GALNT18: variants seen among roughly 807,000 people sequenced by gnomAD.
The protein encoded by GALNT18 is polypeptide N-acetylgalactosaminyltransferase 18.
In GALNT18, 44 loss-of-function variants were observed where a neutral mutation model predicts 69.5. That is an observed-to-expected ratio of 0.63 (90% CI 0.50 to 0.81). The LOEUF is 0.81. GALNT18 is among the 40% of genes least tolerant of loss of function. GALNT18 has a pLI of 0.00. For missense variants in GALNT18, 715 were observed against 810.0 expected (o/e 0.88, Z 1.42); for synonymous variants, 364 against 318.2 (o/e 1.14, Z -1.53).
At chr11:11,364,854 A>G (rs1472570001) in intron 6 of GALNT18, among the ~76,000 whole-genome samples, 1 of 152,182 alleles carries the variant, frequency 6.6e-6, no homozygotes, top group Non-Finnish European at 1.5e-5. Context: ...AAATAACTAG[A>G]GTTAGGTGGG....
chr11:11,285,767 C>A (rs1849180841), intron 10 of GALNT18, among the ~76,000 whole-genome samples: 1 of 152,152 alleles, frequency 6.6e-6, no homozygotes, highest in Non-Finnish European at 1.5e-5. Flanking sequence ...GTCAAGGACT[C>A]CTCCTCCTCC....
chr11:11,287,001 T>A (rs1399690975), intron 10 of GALNT18, among the ~76,000 whole-genome samples: 1 of 152,156 alleles, frequency 6.6e-6, no homozygotes, highest in Non-Finnish European at 1.5e-5. Context: ...TTTGACAACC[T>A]GCTGATGGTC....
chr11:11,615,412 T>C (rs553509867), intron 1 of GALNT18, among the ~76,000 whole-genome samples: 77 of 152,340 alleles, frequency 5.1e-4, no homozygotes, highest in African/African-American at 1.8e-3. Flanking sequence ...AACCCATTTC[T>C]CCATTGTTGG....
At chr11:11,401,547 C>A (rs1854467550) in intron 3 of GALNT18, among the ~76,000 whole-genome samples, 1 of 152,224 alleles carries the variant, frequency 6.6e-6, no homozygotes, top group African/African-American at 2.4e-5. Context: ...ACCCCTTTGA[C>A]ATCCTGAGCA....
chr11:11,541,447 C>G lies in GALNT18; in HGVS notation c.235+79912G>C, dbSNP rs996264826. Reference sequence around the variant, plus strand: ...CTGCCTTCAGCCTCATTCCTCCCATCCACCTTCCACCTGTAGTTGGGGTGA... The same window carrying G: ...CTGCCTTCAGCCTCATTCCTCCCATGCACCTTCCACCTGTAGTTGGGGTGA... On this transcript the variant is annotated intron_variant, in intron 1 of 10. Coordinates refer to ENST00000227756, the MANE Select transcript of GALNT18 (RefSeq NM_198516.3). The surrounding 1 kb of genome is among the most constrained non-coding windows in gnomAD (Gnocchi z 4.8). Among the ~76,000 whole-genome samples, 8 of 152,192 alleles carry G rather than the reference C, an allele frequency of 5.3e-5. No homozygotes were observed. Among genetic ancestry groups the G allele is most frequent in the African/African-American group, 1.9e-4 (8 of 41,448 alleles).
intron 7 of GALNT18, among the ~76,000 whole-genome samples, chr11:11,334,261 G>T (rs546232229): frequency 6.6e-6 from 1 of 152,230 alleles, no homozygotes; most frequent in Admixed American, 6.5e-5. Context: ...ACAATTTAGG[G>T]GCCAGGCGCA....
At chr11:11,286,965 C>T (rs1849207124) in intron 10 of GALNT18, among the ~76,000 whole-genome samples, 1 of 152,128 alleles carries the variant, frequency 6.6e-6, no homozygotes, top group Non-Finnish European at 1.5e-5. Flanking sequence ...ATCACCCAGC[C>T]CAACTCCACT....
At chr11:11,428,323 G>T (rs546991346) in intron 3 of GALNT18, among the ~76,000 whole-genome samples, 2 of 152,318 alleles carry the variant, frequency 1.3e-5, no homozygotes, top group South Asian at 4.1e-4. Flanking sequence ...CCTTTTGAGG[G>T]TTCAGCTCAG....
intron 9 of GALNT18, among the ~76,000 whole-genome samples, chr11:11,297,849 C>T (rs4909980): frequency 0.57 from 86,009 of 152,046 alleles, 24,867 homozygotes; most frequent in African/African-American, 0.63. Flanking sequence ...AGCAGGGCTG[C>T]AAACCAGATC....
At chr11:11,369,070 T>G (rs1850837460) in intron 6 of GALNT18, among the ~76,000 whole-genome samples, 3 of 152,244 alleles carry the variant, frequency 2.0e-5, no homozygotes, top group African/African-American at 7.2e-5. Context: ...GTTCTCTGTA[T>G]TCTATGAAGT....
At chr11:11,530,148 G>T (rs577460566) in intron 1 of GALNT18, among the ~76,000 whole-genome samples, 15 of 152,294 alleles carry the variant, frequency 9.8e-5, no homozygotes, top group Non-Finnish European at 1.9e-4. Context: ...TAGTAAGGAG[G>T]CCAGGCCAGC....
At chr11:11,498,310 G>A (rs569707189) in intron 1 of GALNT18, among the ~76,000 whole-genome samples, 1 of 152,316 alleles carries the variant, frequency 6.6e-6, no homozygotes, top group African/African-American at 2.4e-5. Context: ...AACAAGCTCA[G>A]CAAGCACAGG....
At chr11:11,532,055 C>G (rs1422357310) in intron 1 of GALNT18, among the ~76,000 whole-genome samples, 1 of 152,170 alleles carries the variant, frequency 6.6e-6, no homozygotes, top group Non-Finnish European at 1.5e-5. Flanking sequence ...AGAAAGCTAT[C>G]TTCGAGCATT....
chr11:11,295,390 C>T (rs748205405), intron 9 of GALNT18, among the ~76,000 whole-genome samples: 6 of 152,166 alleles, frequency 3.9e-5, no homozygotes, highest in African/African-American at 4.8e-5. Flanking sequence ...TAACATGAAG[C>T]AGTTAGTACC....
At chr11:11,280,115 C>T (rs958536348) in intron 10 of GALNT18, among the ~76,000 whole-genome samples, 23 of 152,262 alleles carry the variant, frequency 1.5e-4, no homozygotes, top group African/African-American at 5.3e-4. Context: ...AGCAAGATTC[C>T]TCCTGCTGTG....
chr11:11,386,722 A>G (rs1264004123), intron 3 of GALNT18, among the ~76,000 whole-genome samples: 4 of 152,222 alleles, frequency 2.6e-5, no homozygotes, highest in Non-Finnish European at 4.4e-5. Flanking sequence ...TCCTATTATT[A>G]TCGTTCTATT....
chr11:11,563,110 C>A lies in GALNT18; in HGVS notation c.235+58249G>T, dbSNP rs1253762292. On this transcript the variant is annotated intron_variant, in intron 1 of 10. Transcript: ENST00000227756. The surrounding 1 kb of genome is among the most constrained non-coding windows in gnomAD (Gnocchi z 4.6). Reference sequence around the variant, plus strand: ...ACTCCTCCAGCCCAGGAGGTGACCCCCCACCACACCCCACAGAGTGCCCTC... The same window carrying A: ...ACTCCTCCAGCCCAGGAGGTGACCCACCACCACACCCCACAGAGTGCCCTC... Among the ~76,000 whole-genome samples the A allele has an allele frequency of 6.6e-6, 1 of 152,174 alleles. No individual in the cohort carries two copies. Among genetic ancestry groups the A allele is most frequent in the Non-Finnish European group, 1.5e-5 (1 of 68,032 alleles).
rs1259571394 is a variant in GALNT18, at chr11:11,402,929, T to G, written c.596-23665A>C. On this transcript the variant is annotated intron_variant, in intron 3 of 10. Coordinates refer to ENST00000227756, the MANE Select transcript of GALNT18 (RefSeq NM_198516.3). This position sits in a 1 kb window ranked among gnomAD's most constrained non-coding sequence, Gnocchi z 4.0. ...ACAGCTCTAGAAAGTGGGTGCTTCT[T>G]TCTTCTCTGCCCCAGGCATTCCCCT... is the stretch of plus-strand genomic sequence containing the variant. 1.3e-5 allele frequency among the ~76,000 whole-genome samples: 2 copies of G among 152,194 alleles called. No individual in the cohort carries two copies. Among genetic ancestry groups the G allele is most frequent in the African/African-American group, 2.4e-5 (1 of 41,452 alleles).
intron 9 of GALNT18, among the ~76,000 whole-genome samples, chr11:11,307,300 C>T (rs1178747112): frequency 3.9e-5 from 6 of 152,264 alleles, no homozygotes. Context: ...AGGTGTTCAG[C>T]AAATTACATT....
Sources: gnomAD v4.1 joint callset for allele counts (sites outside exome capture counted in the v4.1 genomes callset) on GRCh38, gnomAD v4.1.1 for gene constraint, Gnocchi (gnomAD v3.1) non-coding constraint, MANE v1.5 for transcripts, NCBI Gene and HGNC (gene_info 2026-07-23, HGNC 2026-07-21) for gene names.